Variants in HDAC9 observed in about 807,000 individuals in gnomAD.
HDAC9 encodes the protein MEF-2 interacting transcription repressor (MITR) protein.
In HDAC9, 41 loss-of-function variants were observed where a neutral mutation model predicts 139.4. The observed-to-expected ratio is 0.29, with a 90% CI of 0.23 to 0.38. The LOEUF is 0.38. Ranked by LOEUF, HDAC9 falls within the 10% of genes least tolerant of loss-of-function variation. The pLI, the probability that HDAC9 is intolerant of heterozygous loss-of-function variation, is 1.00. For synonymous variants in HDAC9, 517 were observed against 476.2 expected (o/e 1.09, Z -1.12); for missense variants, 1,147 against 1,297.0 (o/e 0.88, Z 1.78).
At chr7:18,409,077 T>G (rs1360613899) in intron 1 of HDAC9, among the ~76,000 whole-genome samples, 4 of 152,176 alleles carry the variant, frequency 2.6e-5, no homozygotes, top group Non-Finnish European at 5.9e-5. Context: ...TTGAAAGAAG[T>G]CAGCCCTGGA....
intron 2 of HDAC9, among the ~76,000 whole-genome samples, chr7:18,259,237 G>A (rs1217555775): frequency 5.9e-5 from 9 of 152,100 alleles, no homozygotes; most frequent in Admixed American, 5.2e-4. Context: ...CCAAAGTGCT[G>A]GGATTACAGG....
At position 18,946,036 on chromosome 7, in the gene HDAC9, C is replaced by CAAAAAAAAAAAAAAAAAAAAAAAAAAAA. The variant is rs1171055959; in HGVS notation, c.2938-8099_2938-8072dup. Among the ~76,000 whole-genome samples the CAAAAAAAAAAAAAAAAAAAAAAAAAAAA allele has an allele frequency of 1.3e-4, 5 of 38,260 alleles. 1 individual carries two copies. Among genetic ancestry groups the CAAAAAAAAAAAAAAAAAAAAAAAAAAAA allele is most frequent in the African/African-American group, 3.7e-4 (5 of 13,496 alleles). The allele number at this position is 38,260 out of a possible 152,430, so 25.1% of individuals were successfully genotyped here. On this transcript the variant is annotated intron_variant, in intron 23 of 25. Coordinates refer to ENST00000686413, the MANE Select transcript of HDAC9 (RefSeq NM_178425.4). Reference sequence around the variant, plus strand: ...TGGGTGATAGTACAAGACTCCGTCTCAAAAAAAAAAAAAAAAAAAAAAAAA... The same window carrying CAAAAAAAAAAAAAAAAAAAAAAAAAAAA: ...TGGGTGATAGTACAAGACTCCGTCTCAAAAAAAAAAAAAAAAAAAAAAAAAAAAAAAAAAAAAAAAAAAAAAAAAAAAA...
intron 1 of HDAC9, among the ~76,000 whole-genome samples, chr7:18,451,245 C>A (rs1404739364): frequency 6.6e-6 from 1 of 151,976 alleles, no homozygotes; most frequent in African/African-American, 2.4e-5. Context: ...TATGCTAGCC[C>A]CTCGATTCTG....
chr7:18,617,434 A>G (rs573760012), intron 6 of HDAC9, among the ~76,000 whole-genome samples: 5 of 152,274 alleles, frequency 3.3e-5, no homozygotes, highest in African/African-American at 1.2e-4. Context: ...TCTGTTTCCC[A>G]TTCACACAAG....
intron 2 of HDAC9, among the ~76,000 whole-genome samples, chr7:18,211,363 T>A (rs1249657705): frequency 2.0e-5 from 3 of 152,146 alleles, no homozygotes; most frequent in Non-Finnish European, 4.4e-5. Context: ...ACATAGTAGG[T>A]GAACTTTGAG....
At chr7:18,796,380 T>C (rs1359361657) in intron 17 of HDAC9, among the ~76,000 whole-genome samples, 1 of 152,194 alleles carries the variant, frequency 6.6e-6, no homozygotes, top group Non-Finnish European at 1.5e-5. Flanking sequence ...CCCCAGGGGA[T>C]ATTGATGAGC....
At chr7:18,732,599 ATG>A (rs1229913429) in intron 13 of HDAC9, among the ~76,000 whole-genome samples, 2 of 142,738 alleles carry the variant, frequency 1.4e-5, no homozygotes, top group South Asian at 2.2e-4. Context: ...ACACGTGTAT[ATG>A]TGTGCATATG....
chr7:18,890,432 G>C (rs1398299545), intron 22 of HDAC9, among the ~76,000 whole-genome samples: 3 of 152,120 alleles, frequency 2.0e-5, no homozygotes, highest in African/African-American at 7.2e-5. Flanking sequence ...GGAGAGTTTT[G>C]GAGATCTGCC....
intron 1 of HDAC9, among the ~76,000 whole-genome samples, chr7:18,132,293 GT>G (rs1325332719): frequency 1.3e-5 from 2 of 152,114 alleles, no homozygotes; most frequent in Non-Finnish European, 2.9e-5. Flanking sequence ...CATTCAAGGT[GT>G]TTAGAAACTC....
chr7:18,775,887 C>T (rs958522452), intron 16 of HDAC9, among the ~76,000 whole-genome samples: 33 of 152,082 alleles, frequency 2.2e-4, no homozygotes, highest in African/African-American at 6.0e-4. Flanking sequence ...AACAGTTCTA[C>T]GAGATGGCCT....
chr7:18,500,508 G>A (rs1798085359), intron 2 of HDAC9, among the ~76,000 whole-genome samples: 1 of 152,112 alleles, frequency 6.6e-6, no homozygotes, highest in South Asian at 2.1e-4. Flanking sequence ...CCTGTCTCCT[G>A]GGCTGTCTTA....
At chr7:18,916,561 G>C (rs183776531) in intron 22 of HDAC9, among the ~76,000 whole-genome samples, 3 of 151,824 alleles carry the variant, frequency 2.0e-5, no homozygotes, top group South Asian at 4.2e-4. Flanking sequence ...GAGAGAAACA[G>C]GCACATAAAG....
chr7:18,090,760 C>A (rs916472298), intron 1 of HDAC9, among the ~76,000 whole-genome samples: 1 of 151,930 alleles, frequency 6.6e-6, no homozygotes, highest in Non-Finnish European at 1.5e-5. Context: ...CTTCTTTGGC[C>A]GAACTTACAG....
chr7:18,793,484 T>A, intron 17 of HDAC9, 32 bp downstream of exon 17: 1 of 1,339,494 alleles, frequency 7.5e-7, no homozygotes, highest in Non-Finnish European at 1.1e-6. Flanking sequence ...GTGTGGGAAA[T>A]CCAGAGAAGA....
At chr7:18,485,504 T>C (rs1795909814) in intron 1 of HDAC9, among the ~76,000 whole-genome samples, 1 of 150,892 alleles carries the variant, frequency 6.6e-6, no homozygotes, top group African/African-American at 2.4e-5. Flanking sequence ...CTAATGATTT[T>C]TATGTTCTGT....
chr7:18,688,421 C>T (rs575014947), intron 12 of HDAC9, among the ~76,000 whole-genome samples: 1 of 151,866 alleles, frequency 6.6e-6, no homozygotes, highest in South Asian at 2.1e-4. Flanking sequence ...AGATGATTTG[C>T]TTTACTCCAA....
intron 23 of HDAC9, among the ~76,000 whole-genome samples, chr7:18,947,255 A>T (rs1782468482): frequency 6.6e-6 from 1 of 152,122 alleles, no homozygotes; most frequent in South Asian, 2.1e-4. Context: ...ACCAAAGAAG[A>T]TATAAATAAA....
At chr7:18,949,147 CT>C in intron 23 of HDAC9, 2 of 275,312 alleles carry the variant, frequency 7.3e-6, no homozygotes, top group Non-Finnish European at 7.1e-6. Flanking sequence ...GGTTTTGAGT[CT>C]TTTTCAGTCT....
At position 18,481,658 on chromosome 7, in the gene HDAC9, G is replaced by T. The variant is rs59474809; in HGVS notation, c.-41-14604G>T. Among the ~76,000 whole-genome samples the T allele has an allele frequency of 2.7e-3, 404 of 152,258 alleles. 2 individuals are homozygous for T. Among genetic ancestry groups the T allele is most frequent in the African/African-American group, 8.8e-3 (365 of 41,542 alleles). On this transcript the variant is annotated intron_variant, in intron 1 of 3. Transcript: ENST00000413509. ...GGCTTTGAAAAGATGATAAAATGAT[G>T]TAATGTGAGTTAATCAACTGCAGAA...
Sources: gnomAD v4.1 joint callset for allele counts (sites outside exome capture counted in the v4.1 genomes callset) on GRCh38, gnomAD v4.1.1 for gene constraint, MANE v1.5 for transcripts, NCBI Gene and HGNC (gene_info 2026-07-23, HGNC 2026-07-21) for gene names.